Variants in CEBPB observed in about 807,000 individuals in gnomAD.
The protein encoded by CEBPB is CCAAT/enhancer-binding protein beta.
For synonymous variants in CEBPB, 295 were observed against 267.1 expected (o/e 1.10, Z -1.02); for missense variants, 498 against 533.1 (o/e 0.93, Z 0.65).
In CEBPB at chr20:50,191,577, G is replaced by A. The variant is rs2081578322; in HGVS notation, c.544G>A (p.Ala182Thr). 2 of 1,344,834 alleles carry A rather than the reference G, an allele frequency of 1.5e-6. No homozygotes were observed. The highest frequency in any genetic ancestry group is 1.9e-6 in the Non-Finnish European group (2 of 1,056,062). The allele number at this position is 1,344,834 out of a possible 1,614,324, so 83.3% of individuals were successfully genotyped here. ...ELKAEPGFEP[A>T]DCKRKEEAGA... Reference sequence around the variant, plus strand: ...CAAGGCGGAGCCGGGCTTCGAGCCCGCGGACTGCAAGCGGAAGGAGGAGGC... The same window carrying A: ...CAAGGCGGAGCCGGGCTTCGAGCCCACGGACTGCAAGCGGAAGGAGGAGGC... Residue 182 changes from alanine (A) to threonine (T), a missense_variant, in exon 1 of 1, where the codon GCG becomes ACG. Physicochemically the swap from Ala to Thr is moderately conservative, Grantham distance 58. Coordinates refer to ENST00000303004, the MANE Select transcript of CEBPB (RefSeq NM_005194.4).
Position 50,191,721 on chromosome 20 carries a change from T to G in CEBPB, c.688T>G (p.Ser230Ala), listed in dbSNP as rs1173816740. Residue 230 changes from serine (S) to alanine (A), a missense_variant, in exon 1 of 1, where the codon TCC becomes GCC. Physicochemically the swap from Ser to Ala is moderately conservative, Grantham distance 99. Coordinates refer to ENST00000303004, the MANE Select transcript of CEBPB (RefSeq NM_005194.4). The stretch of plus-strand genomic sequence containing the variant: ...CGGGAGCCTCTCCACGTCCTCCTCG[T>G]CCAGCCCGCCCGGCACGCCGAGCCC... ...SSGSLSTSSS[S>A]SPPGTPSPAD... The G allele has an allele frequency of 4.0e-6, 6 of 1,512,708 alleles. No homozygotes were observed. The highest frequency in any genetic ancestry group is 5.3e-6 in the Non-Finnish European group (6 of 1,136,542). 93.7% of individuals were successfully genotyped at this position (1,512,708 alleles called of 1,614,324 possible).
chr20:50,190,952 C>A lies in CEBPB; in HGVS notation c.-82C>A. The A allele has an allele frequency of 7.5e-7, 1 of 1,337,272 alleles. No individual in the cohort carries two copies. 82.8% of individuals were successfully genotyped at this position (1,337,272 alleles called of 1,614,324 possible). On this transcript the variant is annotated 5_prime_UTR_variant, in exon 1 of 1. Transcript: ENST00000303004. ...AGCAGCAGCAGCGACGCAGCGGCGA[C>A]AGCTCAGAGCAGGGAGGCCGCGCCA...
Position 50,191,933 on chromosome 20 carries a change from G to A in CEBPB, c.900G>A (p.Gln300=). The A allele has an allele frequency of 6.2e-7, 1 of 1,612,950 alleles. No individual in the cohort carries two copies. Among genetic ancestry groups the A allele is most frequent in the South Asian group, 1.1e-5 (1 of 90,958 alleles). ...DKAKMRNLET[Q]HKVLELTAEN... ...CCAAGATGCGCAACCTGGAGACGCA[G>A]CACAAGGTCCTGGAGCTCACGGCCG... is the stretch of plus-strand genomic sequence containing the variant. Residue 300 remains glutamine, a synonymous_variant, in exon 1 of 1, where the codon CAG becomes CAA. Transcript: ENST00000303004.
upstream of CEBPB, chr20:50,190,782 G>A (rs1456724347): frequency 2.9e-6 from 1 of 346,194 alleles, no homozygotes; most frequent in Non-Finnish European, 5.1e-6. Flanking sequence ...GTGACGCAGC[G>A]GTTGCTACGG....
In CEBPB at chr20:50,191,870, G is replaced by A. The variant is rs2081581195; in HGVS notation, c.837G>A (p.Glu279=). The change falls in exon 1 of 1, where the codon GAG becomes GAA. Residue 279 remains glutamate (E), a synonymous_variant. Transcript: ENST00000303004. Reference sequence around the variant, plus strand: ...GCGACGAGTACAAGATCCGGCGCGAGCGCAACAACATCGCCGTGCGCAAGA... The same window carrying A: ...GCGACGAGTACAAGATCCGGCGCGAACGCAACAACATCGCCGTGCGCAAGA... ...KHSDEYKIRR[E]RNNIAVRKSR... 2.5e-6 allele frequency: 4 copies of A among 1,611,544 alleles called. No individual in the cohort carries two copies. Among genetic ancestry groups the A allele is most frequent in the Non-Finnish European group, 3.4e-6 (4 of 1,179,136 alleles).
chr20:50,191,183 C>G lies in CEBPB; in HGVS notation c.150C>G (p.Pro50=), dbSNP rs764511997. 5 of 1,440,404 alleles carry G rather than the reference C, an allele frequency of 3.5e-6. No individual in the cohort carries two copies. Among genetic ancestry groups the G allele is most frequent in the Non-Finnish European group, 4.6e-6 (5 of 1,094,432 alleles). 89.2% of individuals were successfully genotyped at this position (1,440,404 alleles called of 1,614,324 possible). The change falls in exon 1 of 1, where the codon CCC becomes CCG. Residue 50 remains proline, a synonymous_variant. Transcript: ENST00000303004. ...GCAAGGCGGCCCCCGCGGCGCCCCC[C>G]GCGGCCAGACCCGGGCCGCGCCCCC... ...YGGKAAPAAP[P]AARPGPRPPA... is the part of the protein sequence containing the mutation.
rs917908550 is a variant in CEBPB at position 50,192,162 on chromosome 20, C to T, written c.*91C>T. ...CCCTCGCCCCCGCCCCCGGCGGCGCCGGCAAAACTTTGGCACTGGGGCACT... is the reference window on the plus strand; with the variant it reads ...CCCTCGCCCCCGCCCCCGGCGGCGCTGGCAAAACTTTGGCACTGGGGCACT... On this transcript the variant is annotated 3_prime_UTR_variant, in exon 1 of 1. Coordinates refer to ENST00000303004, the MANE Select transcript of CEBPB (RefSeq NM_005194.4). The T allele has an allele frequency of 9.5e-6, 11 of 1,154,122 alleles. No individual in the cohort carries two copies. Among genetic ancestry groups the T allele is most frequent in the Non-Finnish European group, 1.2e-5 (11 of 918,058 alleles). The allele number at this position is 1,154,122 out of a possible 1,614,324, so 71.5% of individuals were successfully genotyped here. A position where few individuals can be genotyped will look rare whatever the true frequency, so the allele number is the denominator to read the frequency against.
In CEBPB at chr20:50,192,055, C is replaced by A. The variant is rs1315756377; in HGVS notation, c.1022C>A (p.Ser341Tyr). The A allele has an allele frequency of 1.9e-6, 3 of 1,579,500 alleles. No homozygotes were observed. Among genetic ancestry groups the A allele is most frequent in the Non-Finnish European group, 2.6e-6 (3 of 1,165,668 alleles). The change falls in exon 1 of 1, where the codon TCC becomes TAC. Residue 341 changes from serine (S) to tyrosine (Y), a missense_variant. Coordinates refer to ENST00000303004, the MANE Select transcript of CEBPB (RefSeq NM_005194.4). ...CAGCTGCCCGAGCCCCTGCTCGCCT[C>A]CTCCGGCCACTGCTAGCGCGGCCCC... ...FKQLPEPLLASSGHC is the reference protein window; with the variant it reads ...FKQLPEPLLAYSGHC
chr20:50,190,894 C>A lies in CEBPB; in HGVS notation c.-140C>A. 1 of 1,125,470 alleles carries A rather than the reference C, an allele frequency of 8.9e-7. No homozygotes were observed. Among genetic ancestry groups the A allele is most frequent in the South Asian group, 2.2e-5 (1 of 44,502 alleles). The allele number at this position is 1,125,470 out of a possible 1,614,324, so 69.7% of individuals were successfully genotyped here. On this transcript the variant is annotated 5_prime_UTR_variant, in exon 1 of 1. Transcript: ENST00000303004. ...ACCCGAGGGTCCAGCCACCAGCCCCCTCACTAATAGCGGCCACCCCGGCAG... is the reference window on the plus strand; with the variant it reads ...ACCCGAGGGTCCAGCCACCAGCCCCATCACTAATAGCGGCCACCCCGGCAG...
In CEBPB at chr20:50,191,227, G is replaced by A; in HGVS notation, c.194G>A (p.Ser65Asn). 2 of 1,292,558 alleles carry A rather than the reference G, an allele frequency of 1.5e-6. No homozygotes were observed. Among genetic ancestry groups the A allele is most frequent in the Non-Finnish European group, 2.0e-6 (2 of 1,020,800 alleles). The allele number at this position is 1,292,558 out of a possible 1,614,324, so 80.1% of individuals were successfully genotyped here. Residue 65 changes from serine (S) to asparagine (N), a missense_variant, in exon 1 of 1, where the codon AGC becomes AAC. Physicochemically the swap from Ser to Asn is conservative, Grantham distance 46. Coordinates refer to ENST00000303004, the MANE Select transcript of CEBPB (RefSeq NM_005194.4). ...CGCCCCCCCGCCGGCGAGCTGGGCA[G>A]CATCGGCGACCACGAGCGCGCCATC... Reference protein sequence around the residue: ...GPRPPAGELGSIGDHERAIDF... With the variant: ...GPRPPAGELGNIGDHERAIDF...
In CEBPB at chr20:50,192,117, G is replaced by C; in HGVS notation, c.*46G>C. On this transcript the variant is annotated 3_prime_UTR_variant, in exon 1 of 1. Coordinates refer to ENST00000303004, the MANE Select transcript of CEBPB (RefSeq NM_005194.4). ...CCCTGCCGGCCGGGGCTGAGACTCC[G>C]GGGAGCGCCCGCGCCCGCGCCCTCG... 2 of 1,369,626 alleles carry C rather than the reference G, an allele frequency of 1.5e-6. No homozygotes were observed. Among genetic ancestry groups the C allele is most frequent in the South Asian group, 3.5e-5 (2 of 56,346 alleles). 84.8% of individuals were successfully genotyped at this position (1,369,626 alleles called of 1,614,324 possible).
In CEBPB at chr20:50,192,142, G is replaced by C. The variant is rs1454926772; in HGVS notation, c.*71G>C. ...GGGGAGCGCCCGCGCCCGCGCCCTC[G>C]CCCCCGCCCCCGGCGGCGCCGGCAA... On this transcript the variant is annotated 3_prime_UTR_variant, in exon 1 of 1. Transcript: ENST00000303004. 1 of 1,217,460 alleles carries C rather than the reference G, an allele frequency of 8.2e-7. No homozygotes were observed. The highest frequency in any genetic ancestry group is 1.0e-6 in the Non-Finnish European group (1 of 970,294). The allele number at this position is 1,217,460 out of a possible 1,614,324, so 75.4% of individuals were successfully genotyped here.
rs774845694 is a variant in CEBPB, at chr20:50,191,999, C to T, written c.966C>T (p.Arg322=). The T allele has an allele frequency of 6.2e-7, 1 of 1,609,540 alleles. No homozygotes were observed. Among genetic ancestry groups the T allele is most frequent in the Non-Finnish European group, 8.5e-7 (1 of 1,178,712 alleles). ...AGAAGAAGGTGGAGCAGCTGTCGCG[C>T]GAGCTCAGCACCCTGCGGAACTTGT... ...RLQKKVEQLS[R]ELSTLRNLFK... Residue 322 remains arginine (R), a synonymous_variant, in exon 1 of 1, where the codon CGC becomes CGT. Coordinates refer to ENST00000303004, the MANE Select transcript of CEBPB (RefSeq NM_005194.4).
In CEBPB at chr20:50,191,253, G is replaced by C; in HGVS notation, c.220G>C (p.Asp74His). 1 of 1,290,602 alleles carries C rather than the reference G, an allele frequency of 7.7e-7. No homozygotes were observed. The highest frequency in any genetic ancestry group is 9.8e-7 in the Non-Finnish European group (1 of 1,017,758). 79.9% of individuals were successfully genotyped at this position (1,290,602 alleles called of 1,614,324 possible). A position where few individuals can be genotyped will look rare whatever the true frequency, so the allele number is the denominator to read the frequency against. Residue 74 changes from aspartate to histidine, a missense_variant, in exon 1 of 1, where the codon GAC becomes CAC. Coordinates refer to ENST00000303004, the MANE Select transcript of CEBPB (RefSeq NM_005194.4). ...CATCGGCGACCACGAGCGCGCCATCGACTTCAGCCCGTACCTGGAGCCGCT... is the reference window on the plus strand; with the variant it reads ...CATCGGCGACCACGAGCGCGCCATCCACTTCAGCCCGTACCTGGAGCCGCT... ...GSIGDHERAI[D>H]FSPYLEPLGA...
At position 50,191,786 on chromosome 20, in the gene CEBPB, G is replaced by C. The variant is rs1420923471; in HGVS notation, c.753G>C (p.Gly251=). Residue 251 remains glycine (G), a synonymous_variant, in exon 1 of 1, where the codon GGG becomes GGC. Transcript: ENST00000303004. ...CGCCCCCGACCGCCTGCTACGCGGGGGCCGCGCCGGCGCCCTCGCAGGTCA... is the reference window on the plus strand; with the variant it reads ...CGCCCCCGACCGCCTGCTACGCGGGCGCCGCGCCGGCGCCCTCGCAGGTCA... ...AKAPPTACYA[G]AAPAPSQVKS... The C allele has an allele frequency of 1.3e-6, 2 of 1,548,222 alleles. No individual in the cohort carries two copies. Among genetic ancestry groups the C allele is most frequent in the African/African-American group, 2.8e-5 (2 of 72,148 alleles).
At position 50,192,045 on chromosome 20, in the gene CEBPB, C is replaced by T; in HGVS notation, c.1012C>T (p.Leu338=). The part of the protein sequence containing the change: ...RNLFKQLPEP[L]LASSGHC ...CTTGTTCAAGCAGCTGCCCGAGCCCCTGCTCGCCTCCTCCGGCCACTGCTA... is the reference window on the plus strand; with the variant it reads ...CTTGTTCAAGCAGCTGCCCGAGCCCTTGCTCGCCTCCTCCGGCCACTGCTA... Residue 338 remains leucine, a synonymous_variant, in exon 1 of 1, where the codon CTG becomes TTG. Transcript: ENST00000303004. 2 of 1,588,152 alleles carry T rather than the reference C, an allele frequency of 1.3e-6. No homozygotes were observed. Among genetic ancestry groups the T allele is most frequent in the African/African-American group, 1.4e-5 (1 of 73,096 alleles).
Position 50,191,731 on chromosome 20 carries a change from C to T in CEBPB, c.698C>T (p.Pro233Leu). 6.6e-7 allele frequency: 1 copy of T among 1,517,536 alleles called. No homozygotes were observed. Among genetic ancestry groups the T allele is most frequent in the Non-Finnish European group, 8.8e-7 (1 of 1,137,682 alleles). The allele number at this position is 1,517,536 out of a possible 1,614,324, so 94.0% of individuals were successfully genotyped here. ...SLSTSSSSSP[P>L]GTPSPADAKA... ...TCCACGTCCTCCTCGTCCAGCCCGC[C>T]CGGCACGCCGAGCCCCGCTGACGCC... The change falls in exon 1 of 1, where the codon CCC (proline) becomes CTC (leucine). Residue 233 changes from proline (P) to leucine (L), a missense_variant. Transcript: ENST00000303004.
rs544783264 is a variant in CEBPB at position 50,191,699 on chromosome 20, G to T, written c.666G>T (p.Gly222=). 2.9e-4 allele frequency: 425 copies of T among 1,475,664 alleles called. 1 individual carries two copies. The African/African-American group carries it at 5.5e-3, about 19-fold the overall frequency. 91.4% of individuals were successfully genotyped at this position (1,475,664 alleles called of 1,614,324 possible). A position where few individuals can be genotyped will look rare whatever the true frequency, so the allele number is the denominator to read the frequency against. Residue 222 remains glycine, a synonymous_variant, in exon 1 of 1, where the codon GGG becomes GGT. Coordinates refer to ENST00000303004, the MANE Select transcript of CEBPB (RefSeq NM_005194.4). ...GYQAVPSGSS[G]SLSTSSSSSP... is the part of the protein sequence containing the mutation. Reference sequence around the variant, plus strand: ...AGGCGGTGCCGAGCGGCAGCAGCGGGAGCCTCTCCACGTCCTCCTCGTCCA... The same window carrying T: ...AGGCGGTGCCGAGCGGCAGCAGCGGTAGCCTCTCCACGTCCTCCTCGTCCA...
chr20:50,192,038 C>T lies in CEBPB; in HGVS notation c.1005C>T (p.Pro335=), dbSNP rs368807189. 6 of 1,591,954 alleles carry T rather than the reference C, an allele frequency of 3.8e-6. No individual in the cohort carries two copies. Among genetic ancestry groups the T allele is most frequent in the Non-Finnish European group, 5.1e-6 (6 of 1,171,546 alleles). ...TGCGGAACTTGTTCAAGCAGCTGCCCGAGCCCCTGCTCGCCTCCTCCGGCC... is the reference window on the plus strand; with the variant it reads ...TGCGGAACTTGTTCAAGCAGCTGCCTGAGCCCCTGCTCGCCTCCTCCGGCC... ...STLRNLFKQL[P]EPLLASSGHC The change falls in exon 1 of 1, where the codon CCC becomes CCT. Residue 335 remains proline, a synonymous_variant. Transcript: ENST00000303004.
Sources: gnomAD v4.1 joint callset for allele counts on GRCh38, gnomAD v4.1.1 for gene constraint, MANE v1.5 for transcripts, NCBI Gene and HGNC (gene_info 2026-07-23, HGNC 2026-07-21) for gene names.